COTL1: variants seen among roughly 807,000 people sequenced by gnomAD.
COTL1 encodes coactosin-like protein.
COTL1 carries 15 observed loss-of-function variants against 16.5 expected under a neutral mutation model. The observed-to-expected ratio is 0.91, with a 90% CI of 0.61 to 1.40. The LOEUF (loss-of-function observed/expected upper bound fraction) is 1.40, where lower values mean the gene tolerates loss of function less well. COTL1 is among the 40% of genes most tolerant of loss of function. The pLI, the probability that COTL1 is intolerant of heterozygous loss-of-function variation, is 0.00. For synonymous variants in COTL1, 112 were observed against 85.3 expected (o/e 1.31, Z -1.73); for missense variants, 220 against 201.5 (o/e 1.09, Z -0.56).
chr16:84,597,256 C>A (rs1181184703), intron 2 of COTL1, among the ~76,000 whole-genome samples: 1 of 152,168 alleles, frequency 6.6e-6, no homozygotes, highest in Non-Finnish European at 1.5e-5. Flanking sequence ...GTCTACTAAG[C>A]ACTTATGAGG....
chr16:84,608,860 G>A (rs1207456209), intron 2 of COTL1, among the ~76,000 whole-genome samples: 2 of 152,160 alleles, frequency 1.3e-5, no homozygotes, highest in South Asian at 2.1e-4. Flanking sequence ...AGCCAAGATC[G>A]TGCCACTGCA....
intron 3 of COTL1, among the ~76,000 whole-genome samples, chr16:84,587,307 C>T (rs1162125772): frequency 6.6e-6 from 1 of 152,168 alleles, no homozygotes; most frequent in Non-Finnish European, 1.5e-5. Flanking sequence ...ACAGTGCTAG[C>T]ACTGCTCAAA....
intron 2 of COTL1, among the ~76,000 whole-genome samples, chr16:84,597,670 G>A (rs1441657482): frequency 1.3e-5 from 2 of 152,174 alleles, no homozygotes; most frequent in African/African-American, 2.4e-5. Context: ...TGTTGGGAGA[G>A]GGGACGAGAC....
At chr16:84,592,069 C>T (rs1421477967) in intron 2 of COTL1, among the ~76,000 whole-genome samples, 1 of 152,140 alleles carries the variant, frequency 6.6e-6, no homozygotes, top group Non-Finnish European at 1.5e-5. Flanking sequence ...TCACCTGGCC[C>T]CACCAGTTAT....
At chr16:84,576,675 A>C (rs931537081) in intron 3 of COTL1, 1 of 152,254 alleles carries the variant, frequency 6.6e-6, no homozygotes, top group African/African-American at 2.4e-5. Flanking sequence ...CCCACCAGTC[A>C]TCCAGGGATC....
At chr16:84,617,426 G>C in intron 2 of COTL1, 75 bp downstream of exon 2, 17 of 1,405,816 alleles carry the variant, frequency 1.2e-5, no homozygotes, top group Non-Finnish European at 1.7e-5. Context: ...TCCCGGGTTC[G>C]CTCTGGCCGG....
rs148220406 is a variant in COTL1 at position 84,571,758 on chromosome 16, C to T, written c.319-4803G>A. ...TGGACACATGGGTGAGACGGTGAGACGGGCCTGTGACCAACAGTGGTCAGT... is the reference window on the plus strand; with the variant it reads ...TGGACACATGGGTGAGACGGTGAGATGGGCCTGTGACCAACAGTGGTCAGT... On this transcript the variant is annotated intron_variant, in intron 3 of 3. Coordinates refer to ENST00000262428, the MANE Select transcript of COTL1 (RefSeq NM_021149.5). Among the ~76,000 whole-genome samples the T allele has an allele frequency of 4.8e-3, 732 of 152,340 alleles. 5 individuals carry two copies. Among genetic ancestry groups the T allele is most frequent in the African/African-American group, 0.016 (674 of 41,576 alleles).
intron 3 of COTL1, among the ~76,000 whole-genome samples, chr16:84,584,783 T>G (rs368500866): frequency 6.6e-6 from 1 of 152,144 alleles, no homozygotes; most frequent in East Asian, 1.9e-4. Flanking sequence ...CTAAGCACTT[T>G]CCCTATATTT....
intron 2 of COTL1, among the ~76,000 whole-genome samples, chr16:84,604,026 AC>A (rs1190709246): frequency 2.0e-5 from 1 of 50,524 alleles, no homozygotes; most frequent in Non-Finnish European, 3.8e-5. Flanking sequence ...ACTCCCTACT[AC>A]CCCCGCAACT....
At chr16:84,573,413 C>T (rs2966313) in intron 3 of COTL1, among the ~76,000 whole-genome samples, 113,904 of 151,980 alleles carry the variant, frequency 0.75, 42,774 homozygotes, top group South Asian at 0.9. Flanking sequence ...AGAGCCCATC[C>T]GACAGGGGTG....
At chr16:84,610,043 C>G (rs1434648648) in intron 2 of COTL1, among the ~76,000 whole-genome samples, 1 of 152,208 alleles carries the variant, frequency 6.6e-6, no homozygotes, top group Non-Finnish European at 1.5e-5. Flanking sequence ...GAAGTCCACA[C>G]TTACCACATG....
At chr16:84,598,629 G>T (rs1214508592) in intron 2 of COTL1, among the ~76,000 whole-genome samples, 2 of 143,730 alleles carry the variant, frequency 1.4e-5, no homozygotes, top group African/African-American at 5.1e-5. Context: ...CTCCCCATCT[G>T]TGCCTCCTCC....
intron 2 of COTL1, among the ~76,000 whole-genome samples, chr16:84,597,890 C>T (rs1905039005): frequency 6.6e-6 from 1 of 152,150 alleles, no homozygotes; most frequent in African/African-American, 2.4e-5. Flanking sequence ...AGGGAACAGC[C>T]ATCATTAGCA....
At chr16:84,600,637 C>T (rs1008704791) in intron 2 of COTL1, among the ~76,000 whole-genome samples, 17 of 152,274 alleles carry the variant, frequency 1.1e-4, no homozygotes, top group Admixed American at 9.2e-4. Flanking sequence ...TTATGTGATC[C>T]GCATTGTGTG....
intron 3 of COTL1, 124 bp from the exon 4 acceptor site, chr16:84,567,079 T>C: frequency 6.2e-6 from 4 of 645,502 alleles, no homozygotes; most frequent in East Asian, 2.6e-5. Context: ...GAAATGGAAA[T>C]TCAGCAGCAG....
chr16:84,613,531 C>A (rs1183633127), intron 2 of COTL1, among the ~76,000 whole-genome samples: 1 of 151,890 alleles, frequency 6.6e-6, no homozygotes, highest in African/African-American at 2.4e-5. Context: ...GGGGACAAAC[C>A]GACTAGAAAG....
intron 2 of COTL1, among the ~76,000 whole-genome samples, chr16:84,614,751 C>G (rs1905427632): frequency 6.6e-6 from 1 of 152,068 alleles, no homozygotes; most frequent in Non-Finnish European, 1.5e-5. Context: ...GTCAGGATAC[C>G]TGGCAGGGAA....
intron 3 of COTL1, among the ~76,000 whole-genome samples, chr16:84,577,808 G>C (rs947050117): frequency 1.3e-5 from 2 of 152,160 alleles, no homozygotes; most frequent in African/African-American, 4.8e-5. Flanking sequence ...TGATGTCCTA[G>C]AAGCACGCTG....
chr16:84,610,780 C>T (rs1253187669), intron 2 of COTL1, among the ~76,000 whole-genome samples: 1 of 152,250 alleles, frequency 6.6e-6, no homozygotes, highest in East Asian at 1.9e-4. Flanking sequence ...TTGGGTTAAA[C>T]ACTACTGGCT....
Sources: gnomAD v4.1 joint callset for allele counts (sites outside exome capture counted in the v4.1 genomes callset) on GRCh38, gnomAD v4.1.1 for gene constraint, MANE v1.5 for transcripts, NCBI Gene and HGNC (gene_info 2026-07-23, HGNC 2026-07-21) for gene names.